The following MYO16 variants were observed in gnomAD, a reference collection of about 807,000 sequenced individuals.
The protein encoded by MYO16 is myosin XVI.
A neutral mutation model predicts 205.3 loss-of-function variants in MYO16; 94 were observed. The ratio of observed to expected loss-of-function variants is 0.46; its 90% CI spans 0.39 to 0.54. The LOEUF (loss-of-function observed/expected upper bound fraction) is 0.54. MYO16 is among the 20% of genes least tolerant of loss of function. MYO16 has a pLI of 0.00. For missense variants in MYO16, 2,315 were observed against 2,387.5 expected, an observed-to-expected ratio of 0.97 and a Z score of 0.63; for synonymous variants, 988 against 954.0, an observed-to-expected ratio of 1.04 and a Z score of -0.66.
chr13:109,115,242 C>CAAAAAAAAAAAAAAAAAAAAAA (rs61441934), intron 28 of MYO16, among the ~76,000 whole-genome samples: 1 of 58,028 alleles, frequency 1.7e-5, no homozygotes, highest in Non-Finnish European at 2.8e-5. Context: ...CTACACCTCT[C>CAAAAAAAAAAAAAAAAAAAAAA]AAAAAAAAAA....
chr13:108,752,397 G>T (rs1438786080), intron 4 of MYO16, among the ~76,000 whole-genome samples: 1 of 152,048 alleles, frequency 6.6e-6, no homozygotes, highest in Non-Finnish European at 1.5e-5. Context: ...TTAGTAAGGG[G>T]CACAGATTCG....
chr13:109,167,984 A>G (rs958929599), intron 33 of MYO16, among the ~76,000 whole-genome samples: 2 of 152,132 alleles, frequency 1.3e-5, no homozygotes, highest in Non-Finnish European at 2.9e-5. Context: ...TAAAATTTGG[A>G]GGGGTAAAAT....
At chr13:108,966,301 T>C (rs1175179277) in intron 20 of MYO16, among the ~76,000 whole-genome samples, 1 of 152,242 alleles carries the variant, frequency 6.6e-6, no homozygotes, top group Non-Finnish European at 1.5e-5. Flanking sequence ...ATTAGCTATG[T>C]ATAAAATTAT....
At chr13:108,943,147 A>G (rs1882796882) in intron 16 of MYO16, among the ~76,000 whole-genome samples, 1 of 152,224 alleles carries the variant, frequency 6.6e-6, no homozygotes, top group Non-Finnish European at 1.5e-5. Flanking sequence ...AAGGTATGAA[A>G]CATTTCTGGA....
chr13:109,147,614 T>G (rs1877406584), intron 32 of MYO16, among the ~76,000 whole-genome samples: 1 of 152,192 alleles, frequency 6.6e-6, no homozygotes, highest in Non-Finnish European at 1.5e-5. Context: ...TTATCCTGTC[T>G]GAAGCAGTTA....
At chr13:109,022,266 TATAC>T (rs1484612431) in intron 23 of MYO16, among the ~76,000 whole-genome samples, 2 of 131,502 alleles carry the variant, frequency 1.5e-5, no homozygotes, top group South Asian at 2.2e-4. Flanking sequence ...TATATATACA[TATAC>T]ATATTTATAT....
chr13:108,629,796 A>T lies in MYO16; in HGVS notation c.-49A>T. The T allele has an allele frequency of 6.6e-7, 1 of 1,511,056 alleles. No individual in the cohort carries two copies. The highest frequency in any genetic ancestry group is 8.9e-7 in the Non-Finnish European group (1 of 1,126,266). The allele number at this position is 1,511,056 out of a possible 1,614,324, so 93.6% of individuals were successfully genotyped here. ...ATTTCCTGGGAACGACAGTTGTGAC[A>T]GAAGAGAATGCTGGAACCCGTAGCA... On this transcript the variant is annotated 5_prime_UTR_variant, in exon 1 of 35. Coordinates refer to ENST00000457511, the MANE Select transcript of MYO16 (RefSeq NM_001198950.3).
chr13:108,758,640 A>G (rs1428281887), intron 4 of MYO16, among the ~76,000 whole-genome samples: 2 of 152,210 alleles, frequency 1.3e-5, no homozygotes, highest in South Asian at 2.1e-4. Flanking sequence ...CCGTCACACT[A>G]GCTGTTAGAT....
chr13:108,749,431 A>T (rs562704048), intron 4 of MYO16, among the ~76,000 whole-genome samples: 2 of 152,310 alleles, frequency 1.3e-5, no homozygotes, highest in South Asian at 4.1e-4. Flanking sequence ...TAAGAAAACA[A>T]ACAACCCAAA....
the MYO16 span, among the ~76,000 whole-genome samples, chr13:108,501,265 A>C: frequency 6.6e-6 from 1 of 152,168 alleles, no homozygotes; most frequent in African/African-American, 2.4e-5. Context: ...AGCAGAAGAT[A>C]AAAGCGAGCT....
intron 16 of MYO16, among the ~76,000 whole-genome samples, chr13:108,912,369 G>A (rs1422464177): frequency 6.6e-6 from 1 of 152,150 alleles, no homozygotes; most frequent in Non-Finnish European, 1.5e-5. Flanking sequence ...TACAAAGAAA[G>A]ACTGTTTTAG....
At chr13:108,998,482 A>G (rs914150807) in intron 21 of MYO16, among the ~76,000 whole-genome samples, 1 of 152,214 alleles carries the variant, frequency 6.6e-6, no homozygotes, top group African/African-American at 2.4e-5. Flanking sequence ...GCCAGATAAT[A>G]TGTTCCCACT....
chr13:108,663,454 A>G (rs116302553), intron 1 of MYO16, among the ~76,000 whole-genome samples: 364 of 152,346 alleles, frequency 2.4e-3, no homozygotes, highest in African/African-American at 8.5e-3. Context: ...CAAAAGAATC[A>G]ATTTATAAAC....
chr13:108,708,653 T>C (rs1350312227), intron 2 of MYO16, among the ~76,000 whole-genome samples: 2 of 152,246 alleles, frequency 1.3e-5, no homozygotes, highest in African/African-American at 2.4e-5. Flanking sequence ...CTTTCCTCTG[T>C]TGATGTTAAA....
intron 12 of MYO16, among the ~76,000 whole-genome samples, chr13:108,872,598 G>T (rs961412918): frequency 1.3e-5 from 2 of 151,252 alleles, no homozygotes; most frequent in African/African-American, 4.8e-5. Flanking sequence ...AACTGAAAAT[G>T]GCTAATGCAA....
In MYO16 at chr13:108,866,639, G is replaced by A. The variant is rs564548038; in HGVS notation, c.1425+397G>A. Among the ~76,000 whole-genome samples the A allele has an allele frequency of 3.4e-4, 52 of 152,298 alleles. 1 individual carries two copies. Among genetic ancestry groups the A allele is most frequent in the African/African-American group, 1.2e-3 (51 of 41,562 alleles). ...AATGGGAATAAAAAAGGGTAATATT[G>A]CATGTTTACGTTTTCCCAAATGACT... On this transcript the variant is annotated intron_variant, in intron 12 of 34. Transcript: ENST00000457511.
chr13:108,998,804 CGTTGGTCTCTCCAT>C (rs999256756), intron 21 of MYO16, among the ~76,000 whole-genome samples: 2 of 152,174 alleles, frequency 1.3e-5, no homozygotes, highest in African/African-American at 4.8e-5. Context: ...AGTCTCTCCA[CGTTGGTCTCTCCAT>C]GTTGGTCTCT....
intron 21 of MYO16, among the ~76,000 whole-genome samples, chr13:109,004,651 G>T (rs1885330322): frequency 6.6e-6 from 1 of 152,158 alleles, no homozygotes; most frequent in South Asian, 2.1e-4. Flanking sequence ...TTTATGCCCT[G>T]TAGGATAAGA....
intron 15 of MYO16, among the ~76,000 whole-genome samples, chr13:108,904,520 C>T (rs1880867294): frequency 6.6e-6 from 1 of 152,116 alleles, no homozygotes; most frequent in Non-Finnish European, 1.5e-5. Context: ...CATTGTGTGA[C>T]ATACAAGTCA....
Sources: gnomAD v4.1 joint callset for allele counts (sites outside exome capture counted in the v4.1 genomes callset) on GRCh38, gnomAD v4.1.1 for gene constraint, MANE v1.5 for transcripts, NCBI Gene and HGNC (gene_info 2026-07-23, HGNC 2026-07-21) for gene names.